Variants in LDAH observed in about 807,000 individuals in gnomAD.
LDAH encodes the protein lipid droplet-associated hydrolase.
In LDAH, 26 loss-of-function variants were observed where a neutral mutation model predicts 29.6. The observed-to-expected ratio is 0.88, with a 90% confidence interval of 0.64 to 1.22. LDAH has a LOEUF of 1.22. Ranked by LOEUF, LDAH falls within the 50% of genes most tolerant of loss-of-function variation. The probability of loss-of-function intolerance (pLI) is 0.00; values close to 1 mark genes in which losing one functional copy is unlikely to be tolerated. For missense variants in LDAH, 344 were observed against 387.3 expected (o/e 0.89, Z 0.94); for synonymous variants, 117 against 133.0 (o/e 0.88, Z 0.83).
chr2:20,772,053 C>T (rs1669471148), intron 4 of LDAH, among the ~76,000 whole-genome samples: 2 of 152,162 alleles, frequency 1.3e-5, no homozygotes, highest in African/African-American at 4.8e-5. Context: ...GCACATTAAC[C>T]TTGAGATGCA....
chr2:20,782,401 T>TC (rs554249770), intron 3 of LDAH, among the ~76,000 whole-genome samples: 2 of 152,344 alleles, frequency 1.3e-5, no homozygotes, highest in African/African-American at 4.8e-5. Flanking sequence ...CATGACCATA[T>TC]CCTTTTAATG....
At chr2:20,797,496 G>A (rs1210346688) in intron 2 of LDAH, among the ~76,000 whole-genome samples, 2 of 152,134 alleles carry the variant, frequency 1.3e-5, no homozygotes, top group Admixed American at 1.3e-4. Flanking sequence ...GCCCACCTAG[G>A]GCGACCAACT....
intron 4 of LDAH, among the ~76,000 whole-genome samples, chr2:20,769,298 A>C (rs910827509): frequency 6.6e-6 from 1 of 152,144 alleles, no homozygotes; most frequent in African/African-American, 2.4e-5. Context: ...AAACTTTCTG[A>C]GCCTTACAGT....
intron 4 of LDAH, among the ~76,000 whole-genome samples, chr2:20,750,796 G>C (rs1667916616): frequency 6.6e-6 from 1 of 152,072 alleles, no homozygotes; most frequent in Non-Finnish European, 1.5e-5. Flanking sequence ...AGAAAATATG[G>C]TACATATACT....
chr2:20,774,667 T>G, intron 4 of LDAH, 143 bp downstream of exon 4: 1 of 772,704 alleles, frequency 1.3e-6, no homozygotes, highest in Non-Finnish European at 2.2e-6. Context: ...AATATGGAGA[T>G]AAGGATAAAG....
chr2:20,763,056 T>G (rs1261029498), intron 4 of LDAH, among the ~76,000 whole-genome samples: 1 of 152,166 alleles, frequency 6.6e-6, no homozygotes, highest in Non-Finnish European at 1.5e-5. Flanking sequence ...AGAAAGAAAT[T>G]TATAGTCCCA....
At chr2:20,793,331 C>T (rs560202096) in intron 2 of LDAH, among the ~76,000 whole-genome samples, 3 of 152,098 alleles carry the variant, frequency 2.0e-5, no homozygotes, top group South Asian at 4.1e-4. Flanking sequence ...CCCAAAATGA[C>T]AAGAAATAAG....
At chr2:20,760,392 T>G (rs957995041) in intron 4 of LDAH, among the ~76,000 whole-genome samples, 1 of 152,206 alleles carries the variant, frequency 6.6e-6, no homozygotes, top group African/African-American at 2.4e-5. Flanking sequence ...TACTAAAACT[T>G]TGCAGCTTAG....
Position 20,739,914 on chromosome 2 carries a change from T to A in LDAH, c.703+57A>T, listed in dbSNP as rs552559325. On this transcript the variant is annotated intron_variant, in intron 5 of 6. Coordinates refer to ENST00000237822, the MANE Select transcript of LDAH (RefSeq NM_021925.4). ...ATATTTGTCCACTGTCAGAGAGTAT[T>A]GTGTAAACATTTTGTGATACAAGAA... is the stretch of plus-strand genomic sequence containing the variant. The A allele has an allele frequency of 1.7e-4, 229 of 1,328,838 alleles. 2 individuals are homozygous for A. Among genetic ancestry groups the A allele is most frequent in the South Asian group, 1.7e-3 (136 of 80,964 alleles). 82.3% of individuals were successfully genotyped at this position (1,328,838 alleles called of 1,614,324 possible). A position where few individuals can be genotyped will look rare whatever the true frequency, so the allele number is the denominator to read the frequency against.
chr2:20,758,388 A>G (rs1668471593), intron 4 of LDAH, among the ~76,000 whole-genome samples: 2 of 152,248 alleles, frequency 1.3e-5, no homozygotes, highest in African/African-American at 2.4e-5. Flanking sequence ...AAAAAATAGA[A>G]TAACTAAAAT....
In LDAH at chr2:20,740,148, C is replaced by T. The variant is rs1297778145; in HGVS notation, c.526G>A (p.Gly176Ser). 2 of 1,614,080 alleles carry T rather than the reference C, an allele frequency of 1.2e-6. No individual in the cohort carries two copies. Among genetic ancestry groups the T allele is most frequent in the Admixed American group, 3.3e-5 (2 of 60,008 alleles). Reference protein sequence around the residue: ...TIERMSESPNGRIATPLLCWF... With the variant: ...TIERMSESPNSRIATPLLCWF... ...CACAAAAGTGGAGTGGCAATTCTGCCATTGGGTGACTCAGACATTCGTTCA... is the reference window on the plus strand; with the variant it reads ...CACAAAAGTGGAGTGGCAATTCTGCTATTGGGTGACTCAGACATTCGTTCA... Residue 176 changes from glycine (G) to serine (S), a missense_variant, in exon 5 of 7, where the codon GGC becomes AGC. Gly to Ser is a moderately conservative substitution (Grantham distance 56). Coordinates refer to ENST00000237822, the MANE Select transcript of LDAH (RefSeq NM_021925.4).
At chr2:20,729,320 C>T (rs189485633) in intron 5 of LDAH, among the ~76,000 whole-genome samples, 14 of 152,238 alleles carry the variant, frequency 9.2e-5, no homozygotes, top group African/African-American at 3.4e-4. Context: ...TAATTAAAAA[C>T]ATTAAGCACT....
chr2:20,775,404 C>T (rs1266794047), intron 3 of LDAH, among the ~76,000 whole-genome samples: 2 of 152,088 alleles, frequency 1.3e-5, no homozygotes, highest in Non-Finnish European at 2.9e-5. Context: ...GGCTCCACAC[C>T]CCAGGGTTTC....
chr2:20,797,230 A>C (rs931874427), intron 2 of LDAH, among the ~76,000 whole-genome samples: 6 of 152,228 alleles, frequency 3.9e-5, no homozygotes, highest in Non-Finnish European at 7.3e-5. Flanking sequence ...ATTCTCGATC[A>C]GGAATCTTAG....
At chr2:20,739,503 A>T (rs1395965767) in intron 5 of LDAH, among the ~76,000 whole-genome samples, 1 of 152,244 alleles carries the variant, frequency 6.6e-6, no homozygotes, top group South Asian at 2.1e-4. Context: ...GTATTAAAAT[A>T]CATTACCATG....
At chr2:20,751,387 C>T (rs575643358) in intron 4 of LDAH, among the ~76,000 whole-genome samples, 2 of 152,260 alleles carry the variant, frequency 1.3e-5, no homozygotes, top group East Asian at 3.9e-4. Context: ...CTATAGATCA[C>T]CATAAAATAT....
chr2:20,721,617 C>T (rs570364812), intron 5 of LDAH, among the ~76,000 whole-genome samples: 1 of 151,566 alleles, frequency 6.6e-6, no homozygotes, highest in African/African-American at 2.4e-5. Context: ...GAGTGGCTAT[C>T]AAGAAAAAGA....
intron 1 of LDAH, among the ~76,000 whole-genome samples, chr2:20,803,151 A>G (rs1224617782): frequency 6.6e-6 from 1 of 152,228 alleles, no homozygotes; most frequent in East Asian, 1.9e-4. Context: ...ATATCCTACA[A>G]TACACAGGAC....
At chr2:20,726,654 A>C (rs1432220611) in intron 5 of LDAH, among the ~76,000 whole-genome samples, 2 of 152,116 alleles carry the variant, frequency 1.3e-5, no homozygotes, top group African/African-American at 4.8e-5. Flanking sequence ...AGACCTAAAA[A>C]AATAATTCTC....
Sources: allele counts gnomAD v4.1 joint callset (sites outside exome capture counted in the v4.1 genomes callset), GRCh38; gene constraint gnomAD v4.1.1; transcripts MANE v1.5; gene names NCBI Gene and HGNC (gene_info 2026-07-23, HGNC 2026-07-21).